The following SNX24 variants were observed in gnomAD, a reference collection of about 807,000 sequenced individuals.
SNX24 encodes sorting nexin 24.
Under a neutral mutation model 28.7 loss-of-function variants are expected in SNX24, and 22 were observed. That is an observed-to-expected ratio of 0.77 (90% CI 0.55 to 1.10). The LOEUF is 1.10. Ranked by LOEUF, SNX24 falls within the 50% of genes least tolerant of loss-of-function variation. SNX24 has a pLI of 0.00. For missense variants in SNX24, 221 were observed against 201.1 expected (o/e 1.10, Z -0.60); for synonymous variants, 69 against 71.5 (o/e 0.96, Z 0.18).
chr5:122,942,234 T>G (rs1759480896), intron 2 of SNX24, among the ~76,000 whole-genome samples: 1 of 152,224 alleles, frequency 6.6e-6, no homozygotes, highest in African/African-American at 2.4e-5. Flanking sequence ...GGTTCATTTT[T>G]AAATTAACTG....
chr5:122,898,412 T>C (rs1173978671), intron 1 of SNX24, among the ~76,000 whole-genome samples: 1 of 152,252 alleles, frequency 6.6e-6, no homozygotes, highest in Non-Finnish European at 1.5e-5. Context: ...AAATTAAGAA[T>C]GCTTAAAGTA....
intron 3 of SNX24, among the ~76,000 whole-genome samples, chr5:122,953,339 A>G (rs1012685505): frequency 1.3e-5 from 2 of 152,110 alleles, no homozygotes; most frequent in African/African-American, 2.4e-5. Flanking sequence ...TCCTGACCTC[A>G]AATGATCCTC....
rs113168489 is a variant in SNX24, at chr5:122,989,213, A to C, written c.250-10699A>C. On this transcript the variant is annotated intron_variant, in intron 3 of 6. Transcript: ENST00000261369. Reference sequence around the variant, plus strand: ...AAGGACTTAACTAAAAGTGAGTTTTAACCTTAAGCACTCAGAAGGAAAGTG... The same window carrying C: ...AAGGACTTAACTAAAAGTGAGTTTTCACCTTAAGCACTCAGAAGGAAAGTG... Among the ~76,000 whole-genome samples the C allele has an allele frequency of 4.3e-3, 649 of 152,298 alleles. 5 individuals carry two copies. The highest frequency in any genetic ancestry group is 0.015 in the African/African-American group (617 of 41,556).
At chr5:122,916,605 A>G (rs1758179123) in intron 1 of SNX24, among the ~76,000 whole-genome samples, 1 of 152,126 alleles carries the variant, frequency 6.6e-6, no homozygotes, top group Non-Finnish European at 1.5e-5. Context: ...TATTTTTAAC[A>G]TTCTGCATCC....
chr5:122,910,913 A>G (rs1290307561), intron 1 of SNX24, among the ~76,000 whole-genome samples: 3 of 152,048 alleles, frequency 2.0e-5, no homozygotes, highest in African/African-American at 7.2e-5. Flanking sequence ...ATTGTGAATA[A>G]TGCCTCAATA....
chr5:122,891,685 T>TA (rs1356500154), intron 1 of SNX24, among the ~76,000 whole-genome samples: 2 of 152,226 alleles, frequency 1.3e-5, no homozygotes, highest in African/African-American at 4.8e-5. Flanking sequence ...CCAGATTTAT[T>TA]AAAAATTACA....
chr5:122,854,249 C>T (rs1414229007), intron 1 of SNX24, among the ~76,000 whole-genome samples: 1 of 152,122 alleles, frequency 6.6e-6, no homozygotes, highest in African/African-American at 2.4e-5. Context: ...TAGCTCACGC[C>T]TGTAGTCCCA....
At position 122,891,248 on chromosome 5, in the gene SNX24, A is replaced by G. The variant is rs192055585; in HGVS notation, c.61-45486A>G. ...TGACTTTAAAGTGCCTATTTATTCT[A>G]ATATCAATGTATTCTATTTTAAAAA... On this transcript the variant is annotated intron_variant, in intron 1 of 6. Coordinates refer to ENST00000261369, the MANE Select transcript of SNX24 (RefSeq NM_014035.4). The G allele has an allele frequency of 3.6e-5, 34 of 957,256 alleles. No homozygotes were observed. In the Admixed American group the frequency reaches 9.5e-4, roughly 27 times the overall value. The allele number at this position is 957,256 out of a possible 1,614,324, so 59.3% of individuals were successfully genotyped here. A position where few individuals can be genotyped will look rare whatever the true frequency, so the allele number is the denominator to read the frequency against.
intron 1 of SNX24, among the ~76,000 whole-genome samples, chr5:122,933,656 T>G (rs1158443898): frequency 2.0e-5 from 3 of 152,210 alleles, no homozygotes; most frequent in African/African-American, 7.2e-5. Flanking sequence ...AGTGGGAGGC[T>G]ACATCTCCTT....
chr5:123,006,904 T>C (rs1239702239), intron 6 of SNX24, among the ~76,000 whole-genome samples: 1 of 152,236 alleles, frequency 6.6e-6, no homozygotes, highest in Non-Finnish European at 1.5e-5. Flanking sequence ...CTACTTTTAT[T>C]TTCTTACATA....
At chr5:122,976,415 A>G (rs1463642703) in intron 3 of SNX24, among the ~76,000 whole-genome samples, 1 of 152,120 alleles carries the variant, frequency 6.6e-6, no homozygotes, top group East Asian at 1.9e-4. Flanking sequence ...TTCTGTTGTT[A>G]TTCTTCTTTT....
chr5:122,937,730 G>C (rs1016950123), intron 2 of SNX24, among the ~76,000 whole-genome samples: 2 of 152,052 alleles, frequency 1.3e-5, no homozygotes, highest in Non-Finnish European at 2.9e-5. Flanking sequence ...TAGTTCTCTG[G>C]TTAGCACTTT....
At chr5:122,955,446 G>A (rs1014903111) in intron 3 of SNX24, among the ~76,000 whole-genome samples, 2 of 152,100 alleles carry the variant, frequency 1.3e-5, no homozygotes, top group Non-Finnish European at 2.9e-5. Flanking sequence ...TTGGTACAAT[G>A]GATAATTCTG....
At chr5:122,883,494 C>T (rs1756568806) in intron 1 of SNX24, among the ~76,000 whole-genome samples, 1 of 152,026 alleles carries the variant, frequency 6.6e-6, no homozygotes, top group Non-Finnish European at 1.5e-5. Flanking sequence ...AAACTTCTTT[C>T]GTTGGTTGCT....
At chr5:123,005,522 C>T (rs996288451) in intron 6 of SNX24, among the ~76,000 whole-genome samples, 1 of 152,138 alleles carries the variant, frequency 6.6e-6, no homozygotes, top group South Asian at 2.1e-4. Context: ...TAGAGTTACC[C>T]ATAGTATGTA....
intron 1 of SNX24, among the ~76,000 whole-genome samples, chr5:122,906,765 C>T (rs575087920): frequency 6.6e-6 from 1 of 152,328 alleles, no homozygotes; most frequent in South Asian, 2.1e-4. Flanking sequence ...GCCTCGGACT[C>T]CCAAAGTGCT....
intron 3 of SNX24, among the ~76,000 whole-genome samples, chr5:122,989,145 A>G (rs1036322965): frequency 6.6e-6 from 1 of 152,188 alleles, no homozygotes; most frequent in African/African-American, 2.4e-5. Flanking sequence ...GGGCTCTATC[A>G]GTATGGGTTT....
chr5:123,009,035 G>A lies in SNX24; in HGVS notation c.*1286G>A, dbSNP rs762395599. The A allele has an allele frequency of 1.0e-6, 1 of 985,316 alleles. No individual in the cohort carries two copies. The highest frequency in any genetic ancestry group is 1.2e-6 in the Non-Finnish European group (1 of 829,566). The allele number at this position is 985,316 out of a possible 1,614,324, so 61.0% of individuals were successfully genotyped here. A position where few individuals can be genotyped will look rare whatever the true frequency, so the allele number is the denominator to read the frequency against. On this transcript the variant is annotated 3_prime_UTR_variant, in exon 7 of 7. Transcript: ENST00000261369. ...ATCTAAATATTCAGGTTTTAAGCCTGCTGCAAACTTTTAAAATATTATGAT... is the reference window on the plus strand; with the variant it reads ...ATCTAAATATTCAGGTTTTAAGCCTACTGCAAACTTTTAAAATATTATGAT...
At chr5:122,849,291 G>C (rs1754788600) in intron 1 of SNX24, among the ~76,000 whole-genome samples, 1 of 152,116 alleles carries the variant, frequency 6.6e-6, no homozygotes, top group Admixed American at 6.5e-5. Context: ...TACTGTGTTG[G>C]TGGCGATTTA....
Sources: gnomAD v4.1 joint callset for allele counts (sites outside exome capture counted in the v4.1 genomes callset) on GRCh38, gnomAD v4.1.1 for gene constraint, MANE v1.5 for transcripts, NCBI Gene and HGNC (gene_info 2026-07-23, HGNC 2026-07-21) for gene names.